Variants in GSE1 observed in about 807,000 individuals in gnomAD.
GSE1 encodes the protein genetic suppressor element 1.
Under a neutral mutation model 112.6 loss-of-function variants are expected in GSE1, and 32 were observed. The observed-to-expected ratio is 0.28, with a 90% confidence interval of 0.21 to 0.38. The LOEUF is 0.38. Ranked by LOEUF, GSE1 falls within the 10% of genes least tolerant of loss-of-function variation. The pLI is 1.00. For synonymous variants in GSE1, 1,115 were observed against 735.6 expected (o/e 1.52, Z -8.35); for missense variants, 2,348 against 1,699.2 (o/e 1.38, Z -6.71).
chr16:85,608,536 T>C (rs995298832), upstream of GSE1, among the ~76,000 whole-genome samples: 2 of 151,622 alleles, frequency 1.3e-5, no homozygotes, highest in Admixed American at 6.6e-5. Flanking sequence ...GTCGTACCCC[T>C]GCAGGTGTAT....
At chr16:85,590,241 C>A (rs555857216) in intron 1 of GSE1, among the ~76,000 whole-genome samples, 1 of 149,506 alleles carries the variant, frequency 6.7e-6, no homozygotes, top group African/African-American at 2.5e-5. Context: ...CGTGTGTGAA[C>A]GTGTGGGCCC....
At chr16:85,188,941 C>T (rs183098479) in intron 1 of GSE1, among the ~76,000 whole-genome samples, 54 of 152,236 alleles carry the variant, frequency 3.5e-4, no homozygotes, top group African/African-American at 1.2e-3. Flanking sequence ...TGTGCATTTT[C>T]TGGAGAGAGG....
chr16:85,418,026 A>G (rs1012944459), intron 2 of GSE1, among the ~76,000 whole-genome samples: 3 of 152,056 alleles, frequency 2.0e-5, no homozygotes, highest in African/African-American at 7.2e-5. Flanking sequence ...TTTAGTAGAG[A>G]TGGGGTTTCA....
In GSE1 at chr16:85,419,974, C is replaced by T. The variant is rs993495193; in HGVS notation, c.2464+62331C>T. ...GAAGGCCCCTCTGAGGCCCAGCTGG[C>T]AGTTATCATGGGTCTGTGAATGCTG... On this transcript the variant is annotated intron_variant, in intron 2 of 2. Transcript: ENST00000637419. This position sits in a 1 kb window ranked among gnomAD's most constrained non-coding sequence, Gnocchi z 6.5. Among the ~76,000 whole-genome samples the T allele has an allele frequency of 6.6e-6, 1 of 152,214 alleles. No individual in the cohort carries two copies. The highest frequency in any genetic ancestry group is 2.4e-5 in the African/African-American group (1 of 41,444).
At chr16:85,446,475 G>A (rs544413433) in intron 2 of GSE1, among the ~76,000 whole-genome samples, 2 of 152,314 alleles carry the variant, frequency 1.3e-5, no homozygotes, top group African/African-American at 4.8e-5. Flanking sequence ...CCCCCCACTC[G>A]GCATTGCTGG....
intron 2 of GSE1, among the ~76,000 whole-genome samples, chr16:85,536,173 C>T (rs1042627851): frequency 6.6e-6 from 1 of 152,236 alleles, no homozygotes; most frequent in Non-Finnish European, 1.5e-5. Context: ...TTGGCCAGGT[C>T]ACCAACAAGG....
intron 1 of GSE1, among the ~76,000 whole-genome samples, chr16:85,349,478 C>A (rs1486600620): frequency 6.6e-6 from 1 of 152,048 alleles, no homozygotes; most frequent in Non-Finnish European, 1.5e-5. Flanking sequence ...TCCATGTTCC[C>A]TTCTCTCCCT....
At chr16:85,662,906 A>T (rs549261785) in intron 9 of GSE1, 75 bp from the exon 10 acceptor site, 1 of 1,040,808 alleles carries the variant, frequency 9.6e-7, no homozygotes, top group African/African-American at 1.6e-5. Context: ...CTCTGCACAC[A>T]TGAGGCCCTG....
intron 1 of GSE1, among the ~76,000 whole-genome samples, chr16:85,597,455 C>G (rs1281714715): frequency 6.7e-6 from 1 of 149,172 alleles, no homozygotes. Flanking sequence ...CACAGATTCT[C>G]TTTTTAAATT....
At position 85,253,901 on chromosome 16, in the gene GSE1, G is replaced by A. The variant is rs115135817; in HGVS notation, c.2283+82094G>A. ...TGCTCTGGCAGAGGGAACTGTGTGTGCAAAGGGCAGGAGGCGGCACAGACT... is the reference window on the plus strand; with the variant it reads ...TGCTCTGGCAGAGGGAACTGTGTGTACAAAGGGCAGGAGGCGGCACAGACT... On this transcript the variant is annotated intron_variant, in intron 1 of 2. Transcript: ENST00000637419. Among the ~76,000 whole-genome samples the A allele has an allele frequency of 5.2e-3, 799 of 152,278 alleles. 8 individuals are homozygous for A. The highest frequency in any genetic ancestry group is 0.018 in the African/African-American group (740 of 41,548).
intron 1 of GSE1, among the ~76,000 whole-genome samples, chr16:85,570,086 C>T (rs1001290060): frequency 1.3e-5 from 2 of 152,180 alleles, no homozygotes; most frequent in Admixed American, 6.5e-5. Context: ...GTGAGCTTTT[C>T]GGAGAAGCAG....
intron 1 of GSE1, among the ~76,000 whole-genome samples, chr16:85,297,825 T>A (rs2045411097): frequency 6.6e-6 from 1 of 152,164 alleles, no homozygotes; most frequent in Non-Finnish European, 1.5e-5. Context: ...TCTTTTGAGT[T>A]TTATATTTCC....
At chr16:85,209,514 C>G (rs1263379792) in intron 1 of GSE1, among the ~76,000 whole-genome samples, 1 of 152,148 alleles carries the variant, frequency 6.6e-6, no homozygotes, top group Non-Finnish European at 1.5e-5. Context: ...CCCCTCCCAC[C>G]CTCTCCCCCA....
chr16:85,654,460 T>C lies in GSE1; in HGVS notation c.599+10T>C. On this transcript the variant is annotated intron_variant, in intron 4 of 15. Transcript: ENST00000253458. ...GCTTCCCGCCACTCAAGTAAGTTGG[T>C]CGGCGGGGACTTCGGTGAGGTGGCC... is the stretch of plus-strand genomic sequence containing the variant. 1.9e-6 allele frequency: 3 copies of C among 1,556,462 alleles called. No homozygotes were observed. Among genetic ancestry groups the C allele is most frequent in the Non-Finnish European group, 2.6e-6 (3 of 1,150,130 alleles).
Position 85,663,235 on chromosome 16 carries a change from G to A in GSE1, c.2374-109G>A, listed in dbSNP as rs538825124. ...CCATGAAGCTCTTCTCCCACCAGGC[G>A]CAGCCAGCTACGGCCCACACTTCGA... On this transcript the variant is annotated intron_variant, in intron 10 of 15. Coordinates refer to ENST00000253458, the MANE Select transcript of GSE1 (RefSeq NM_014615.5). The A allele has an allele frequency of 6.6e-4, 906 of 1,367,294 alleles. 4 individuals carry two copies. The highest frequency in any genetic ancestry group is 7.8e-4 in the Non-Finnish European group (766 of 981,698). 84.7% of individuals were successfully genotyped at this position (1,367,294 alleles called of 1,614,324 possible).
chr16:85,227,000 A>T (rs1376193613), intron 1 of GSE1, among the ~76,000 whole-genome samples: 1 of 151,912 alleles, frequency 6.6e-6, no homozygotes, highest in Non-Finnish European at 1.5e-5. Flanking sequence ...CCAGCCACCC[A>T]CGCATCCCCT....
At chr16:85,508,793 TGGGG>T (rs1406758530) in intron 2 of GSE1, among the ~76,000 whole-genome samples, 12 of 152,228 alleles carry the variant, frequency 7.9e-5, no homozygotes, top group Non-Finnish European at 1.8e-4. Context: ...TTACCTGAAC[TGGGG>T]TCCTTGAACT....
chr16:85,212,532 G>A (rs901576637), intron 1 of GSE1, among the ~76,000 whole-genome samples: 7 of 152,218 alleles, frequency 4.6e-5, no homozygotes, highest in Admixed American at 4.6e-4. Flanking sequence ...GGATGACCGT[G>A]TAAGGACATG....
At chr16:85,570,981 G>T (rs1250513671) in intron 1 of GSE1, among the ~76,000 whole-genome samples, 1 of 152,230 alleles carries the variant, frequency 6.6e-6, no homozygotes, top group Admixed American at 6.5e-5. Context: ...GGTGCTTGAA[G>T]CAGATTCTGA....
Sources: allele counts gnomAD v4.1 joint callset (sites outside exome capture counted in the v4.1 genomes callset), GRCh38; gene constraint gnomAD v4.1.1; non-coding constraint Gnocchi (gnomAD v3.1); transcripts MANE v1.5; gene names NCBI Gene and HGNC (gene_info 2026-07-23, HGNC 2026-07-21).